DDAH1: variants seen among roughly 807,000 people sequenced by gnomAD.
DDAH1 encodes the protein dimethylarginine dimethylaminohydrolase 1, also known as N(G),N(G)-dimethylarginine dimethylaminohydrolase 1.
A neutral mutation model predicts 28.8 loss-of-function variants in DDAH1; 19 were observed. The observed-to-expected ratio is 0.66, with a 90% CI of 0.46 to 0.97. The LOEUF is 0.97. Ranked by LOEUF, DDAH1 falls within the 50% of genes least tolerant of loss-of-function variation. DDAH1 has a pLI of 0.00. For synonymous variants in DDAH1, 153 were observed against 154.4 expected (o/e 0.99, Z 0.07); for missense variants, 326 against 375.9 (o/e 0.87, Z 1.10).
chr1:85,501,486 GTCCAAAGACTTTA>G (rs1656816958), intron 1 of DDAH1, among the ~76,000 whole-genome samples: 1 of 152,178 alleles, frequency 6.6e-6, no homozygotes, highest in Non-Finnish European at 1.5e-5. Context: ...CTTAGCATTT[GTCCAAAGACTTTA>G]TAGTACCCAT....
At chr1:85,401,657 GC>G (rs1013165869) in intron 1 of DDAH1, among the ~76,000 whole-genome samples, 1 of 151,566 alleles carries the variant, frequency 6.6e-6, no homozygotes, top group African/African-American at 2.4e-5. Flanking sequence ...ACACTACCAT[GC>G]CCAGCTAATT....
intron 4 of DDAH1, among the ~76,000 whole-genome samples, chr1:85,328,296 A>G (rs1401396041): frequency 6.6e-6 from 1 of 152,226 alleles, no homozygotes; most frequent in Non-Finnish European, 1.5e-5. Flanking sequence ...ACTTTTGTGT[A>G]TATCAAACCG....
At chr1:85,561,258 T>C (rs572446004) in intron 1 of DDAH1, among the ~76,000 whole-genome samples, 1 of 152,098 alleles carries the variant, frequency 6.6e-6, no homozygotes, top group Non-Finnish European at 1.5e-5. Context: ...AATTAATATA[T>C]TGAAAGCATT....
At chr1:85,364,956 A>T (rs1355457363) in intron 1 of DDAH1, among the ~76,000 whole-genome samples, 1 of 152,182 alleles carries the variant, frequency 6.6e-6, no homozygotes, top group Admixed American at 6.5e-5. Flanking sequence ...ACATATTGGG[A>T]TCCTCTTCTA....
intron 1 of DDAH1, among the ~76,000 whole-genome samples, chr1:85,404,735 CTCTG>C (rs1353364823): frequency 3.9e-5 from 6 of 152,134 alleles, no homozygotes; most frequent in South Asian, 2.1e-4. Flanking sequence ...GAGGGAAATT[CTCTG>C]TCTTTCTCTC....
intron 1 of DDAH1, among the ~76,000 whole-genome samples, chr1:85,532,218 C>T (rs1248700912): frequency 9.9e-5 from 15 of 151,490 alleles, no homozygotes; most frequent in African/African-American, 3.6e-4. Flanking sequence ...TCCATCTGCA[C>T]TCTTGATTCT....
At chr1:85,533,158 T>G (rs1658149430) in intron 1 of DDAH1, among the ~76,000 whole-genome samples, 1 of 152,192 alleles carries the variant, frequency 6.6e-6, no homozygotes, top group South Asian at 2.1e-4. Context: ...TAAATATTTT[T>G]AAGTTACTCA....
intron 1 of DDAH1, among the ~76,000 whole-genome samples, chr1:85,378,836 G>C (rs1396240930): frequency 6.6e-6 from 1 of 152,210 alleles, no homozygotes; most frequent in East Asian, 1.9e-4. Flanking sequence ...GGAAAAGGCA[G>C]AGAAGACACT....
chr1:85,559,996 A>G (rs1659095271), intron 1 of DDAH1, among the ~76,000 whole-genome samples: 1 of 152,182 alleles, frequency 6.6e-6, no homozygotes, highest in East Asian at 1.9e-4. Context: ...ATGCAGGATA[A>G]AAAATGAATG....
At chr1:85,392,155 A>G (rs77529889) in intron 1 of DDAH1, among the ~76,000 whole-genome samples, 8,015 of 152,246 alleles carry the variant, frequency 0.053, 296 homozygotes, top group Non-Finnish European at 0.079. Context: ...GGAGCCTAGC[A>G]ACTTGAAATC....
At chr1:85,433,987 T>G (rs551914140) in intron 1 of DDAH1, among the ~76,000 whole-genome samples, 2 of 152,296 alleles carry the variant, frequency 1.3e-5, no homozygotes, top group South Asian at 4.1e-4. Flanking sequence ...TTAACATTTT[T>G]TGTACAGTAT....
chr1:85,543,456 C>G (rs1042378254), intron 1 of DDAH1, among the ~76,000 whole-genome samples: 1 of 152,154 alleles, frequency 6.6e-6, no homozygotes, highest in Non-Finnish European at 1.5e-5. Context: ...TCCATCAATT[C>G]CTGTGGCTCT....
chr1:85,371,991 T>G (rs1468390400), intron 1 of DDAH1, among the ~76,000 whole-genome samples: 2 of 151,974 alleles, frequency 1.3e-5, no homozygotes, highest in Admixed American at 6.6e-5. Context: ...GGATGATTTC[T>G]GGGGGGGAAT....
At chr1:85,467,144 T>G (rs1207853085), upstream of DDAH1, among the ~76,000 whole-genome samples, 2 of 152,184 alleles carry the variant, frequency 1.3e-5, no homozygotes, top group Non-Finnish European at 2.9e-5. Context: ...GCCTATTTAT[T>G]CTTATTATAT....
At chr1:85,561,151 T>A (rs1659128860) in intron 1 of DDAH1, among the ~76,000 whole-genome samples, 1 of 152,122 alleles carries the variant, frequency 6.6e-6, no homozygotes, top group East Asian at 1.9e-4. Context: ...ACCAGATACA[T>A]GACTGTGAGC....
At chr1:85,346,670 A>C (rs1415064343) in intron 4 of DDAH1, among the ~76,000 whole-genome samples, 2 of 152,142 alleles carry the variant, frequency 1.3e-5, no homozygotes, top group South Asian at 2.1e-4. Context: ...CTTATAAGTG[A>C]TATATTTGTC....
chr1:85,517,998 C>T (rs1166385616), intron 1 of DDAH1, among the ~76,000 whole-genome samples: 2 of 152,192 alleles, frequency 1.3e-5, no homozygotes, highest in African/African-American at 4.8e-5. Flanking sequence ...CATAAAGTAT[C>T]TAATTGTGCA....
chr1:85,345,572 T>C (rs1406954984), intron 4 of DDAH1, among the ~76,000 whole-genome samples: 1 of 152,136 alleles, frequency 6.6e-6, no homozygotes, highest in Non-Finnish European at 1.5e-5. Context: ...CCTAGATTGG[T>C]ACCCTGTATT....
intron 1 of DDAH1, among the ~76,000 whole-genome samples, chr1:85,550,635 G>T (rs1658755859): frequency 6.6e-6 from 1 of 152,190 alleles, no homozygotes; most frequent in Admixed American, 6.5e-5. Flanking sequence ...CAGCATGGGT[G>T]TTAGGGGGTA....
Sources: allele counts gnomAD v4.1 joint callset (sites outside exome capture counted in the v4.1 genomes callset), GRCh38; gene constraint gnomAD v4.1.1; transcripts MANE v1.5; gene names NCBI Gene and HGNC (gene_info 2026-07-23, HGNC 2026-07-21).